The following SRGAP2 variants were observed in gnomAD, a reference collection of about 807,000 sequenced individuals.
SRGAP2 encodes SLIT-ROBO Rho GTPase-activating protein 2.
In SRGAP2, 15 loss-of-function variants were observed where a neutral mutation model predicts 57.2. That is an observed-to-expected ratio of 0.26 (90% CI 0.18 to 0.40). The LOEUF (loss-of-function observed/expected upper bound fraction) is 0.40, where lower values mean the gene tolerates loss of function less well. SRGAP2 is among the 10% of genes least tolerant of loss of function. SRGAP2 has a pLI of 1.00. For synonymous variants in SRGAP2, 249 were observed against 248.0 expected (o/e 1.00, Z -0.04); for missense variants, 520 against 669.6 (o/e 0.78, Z 2.47).
At position 206,436,988 on chromosome 1, in the gene SRGAP2, C is replaced by T. The variant is rs1661817362; in HGVS notation, c.1579C>T (p.Arg527Trp). 1.3e-6 allele frequency: 1 copy of T among 780,654 alleles called. No homozygotes were observed. Among genetic ancestry groups the T allele is most frequent in the Non-Finnish European group, 2.4e-6 (1 of 417,886 alleles). 48.4% of individuals were successfully genotyped at this position (780,654 alleles called of 1,614,324 possible). ...RHGLQHEGIF[R>W]VSGSQVEVND... The stretch of plus-strand genomic sequence containing the variant: ...AGGACTACAGCATGAAGGAATTTTC[C>T]GGGTGTCAGGATCCCAGGTGGAAGT... Residue 527 changes from arginine to tryptophan, a missense_variant, in exon 15 of 23, where the codon CGG (arginine) becomes TGG (tryptophan). Physicochemically the swap from Arg to Trp is moderately radical, Grantham distance 101. This residue lies in a region of SRGAP2 where 478 missense variants were observed against 373.6 expected (regional missense o/e 1.28). Transcript: ENST00000573034.
chr1:206,436,778 A>G (rs185393996), intron 14 of SRGAP2, among the ~76,000 whole-genome samples, 187 bp from the exon 15 acceptor site: 2 of 152,350 alleles, frequency 1.3e-5, no homozygotes, highest in Admixed American at 1.3e-4. Flanking sequence ...GTGAAAATGA[A>G]TGCCTCGAAA....
chr1:206,296,649 C>T (rs1252444756), intron 2 of SRGAP2, among the ~76,000 whole-genome samples: 1 of 152,178 alleles, frequency 6.6e-6, no homozygotes, highest in Non-Finnish European at 1.5e-5. Flanking sequence ...CCAGGCTCGT[C>T]TGGAACTCCT....
intron 5 of SRGAP2, among the ~76,000 whole-genome samples, chr1:206,391,290 TC>T: frequency 7.6e-6 from 1 of 132,096 alleles, no homozygotes; most frequent in African/African-American, 3.0e-5. Flanking sequence ...TAACCTTTCC[TC>T]CCAACCAGTT....
chr1:206,389,165 CTTTTTTTTTT>C (rs71274650), intron 5 of SRGAP2, among the ~76,000 whole-genome samples: 195 of 72,982 alleles, frequency 2.7e-3, no homozygotes, highest in Non-Finnish European at 3.9e-3. Context: ...CTCAGACTTC[CTTTTTTTTTT>C]TTTTTTTTTT....
At chr1:206,289,243 G>T (rs1671174231) in intron 2 of SRGAP2, among the ~76,000 whole-genome samples, 1 of 137,194 alleles carries the variant, frequency 7.3e-6, no homozygotes, top group Admixed American at 7.1e-5. Context: ...ATTTATCTTT[G>T]AATATTTCAA....
At position 206,391,893 on chromosome 1, in the gene SRGAP2, A is replaced by G. The variant is rs554417526; in HGVS notation, c.487-796A>G. Among the ~76,000 whole-genome samples the G allele has an allele frequency of 5.7e-3, 867 of 151,376 alleles. 9 individuals carry two copies. Among genetic ancestry groups the G allele is most frequent in the African/African-American group, 0.02 (815 of 41,162 alleles). On this transcript the variant is annotated intron_variant, in intron 5 of 22. Coordinates refer to ENST00000573034, the MANE Select transcript of SRGAP2 (RefSeq NM_015326.5). ...TTGCTTTGATGGAAAATCATCCTTC[A>G]CCTTTTATACTACTTCCCTCCTGTG... is the stretch of plus-strand genomic sequence containing the variant.
chr1:206,440,210 A>C (rs1662149500), intron 17 of SRGAP2, 129 bp downstream of exon 17: 1 of 621,186 alleles, frequency 1.6e-6, no homozygotes. Flanking sequence ...TGCTAGCCAC[A>C]GTGCTAGACT....
At chr1:206,444,852 A>G (rs1662613984) in intron 17 of SRGAP2, among the ~76,000 whole-genome samples, 1 of 152,210 alleles carries the variant, frequency 6.6e-6, no homozygotes, top group Non-Finnish European at 1.5e-5. Flanking sequence ...TCCAGGCTCT[A>G]GAGAACAGTG....
chr1:206,437,729 C>G, intron 15 of SRGAP2: 1 of 513,540 alleles, frequency 1.9e-6, no homozygotes, highest in Middle Eastern at 5.1e-4. Flanking sequence ...CAGGCTGGCA[C>G]AAGAGAGTTT....
chr1:206,275,803 G>T (rs1338686629), intron 2 of SRGAP2, among the ~76,000 whole-genome samples: 3 of 151,904 alleles, frequency 2.0e-5, no homozygotes, highest in Non-Finnish European at 4.4e-5. Flanking sequence ...TTTTAGTAGA[G>T]ACGGGGCTTC....
At chr1:206,431,643 T>C (rs1661284013) in intron 14 of SRGAP2, among the ~76,000 whole-genome samples, 1 of 152,252 alleles carries the variant, frequency 6.6e-6, no homozygotes, top group Non-Finnish European at 1.5e-5. Flanking sequence ...GTTTCTGCCT[T>C]CATAAACCTT....
chr1:206,450,354 T>TA, intron 18 of SRGAP2, 32 bp from the exon 19 acceptor site: 1 of 779,842 alleles, frequency 1.3e-6, no homozygotes, highest in Non-Finnish European at 2.4e-6. Flanking sequence ...GAGCACATGT[T>TA]AATGTCCCTG....
At chr1:206,398,961 T>A (rs1277497567) in intron 7 of SRGAP2, among the ~76,000 whole-genome samples, 1 of 151,876 alleles carries the variant, frequency 6.6e-6, no homozygotes, top group African/African-American at 2.4e-5. Context: ...GTCAGTGGAT[T>A]TGGAGCTATA....
chr1:206,279,046 C>T (rs1205672686), intron 2 of SRGAP2, among the ~76,000 whole-genome samples: 1 of 123,830 alleles, frequency 8.1e-6, no homozygotes, highest in Non-Finnish European at 1.6e-5. Context: ...TCAATTATAT[C>T]TCTCAGGACT....
intron 2 of SRGAP2, among the ~76,000 whole-genome samples, chr1:206,289,541 C>T (rs1261861656): frequency 4.0e-5 from 6 of 151,208 alleles, no homozygotes; most frequent in Middle Eastern, 3.4e-3. Context: ...CCTCCCAAAG[C>T]GCTGGGATTA....
chr1:206,394,562 A>G (rs1657381745), intron 7 of SRGAP2, among the ~76,000 whole-genome samples: 1 of 152,208 alleles, frequency 6.6e-6, no homozygotes, highest in African/African-American at 2.4e-5. Context: ...CCAGAGGACT[A>G]CGAGACTCAC....
intron 2 of SRGAP2, among the ~76,000 whole-genome samples, chr1:206,260,325 G>A (rs1169938789): frequency 3.4e-5 from 5 of 146,864 alleles, no homozygotes; most frequent in African/African-American, 7.6e-5. Flanking sequence ...CAAAGTGGAC[G>A]AAATGGAGCC....
chr1:206,402,186 CTG>C (rs1658255012), intron 8 of SRGAP2, among the ~76,000 whole-genome samples: 1 of 152,232 alleles, frequency 6.6e-6, no homozygotes, highest in South Asian at 2.1e-4. Flanking sequence ...AATTAGAAGA[CTG>C]TGATGAAGTG....
intron 7 of SRGAP2, among the ~76,000 whole-genome samples, chr1:206,394,414 C>G (rs1369394408): frequency 3.3e-5 from 5 of 152,176 alleles, no homozygotes; most frequent in Non-Finnish European, 5.9e-5. Context: ...GTGGCAAGAA[C>G]TTAACTAAAG....
Sources: gnomAD v4.1 joint callset for allele counts (sites outside exome capture counted in the v4.1 genomes callset) on GRCh38, gnomAD v4.1.1 for gene constraint, gnomAD v4.1.1 regional missense constraint, MANE v1.5 for transcripts, NCBI Gene and HGNC (gene_info 2026-07-23, HGNC 2026-07-21) for gene names.